The following PI4K2B variants were observed in gnomAD, a reference collection of about 807,000 sequenced individuals.
PI4K2B encodes phosphatidylinositol 4-kinase type 2-beta.
Under a neutral mutation model 56.6 loss-of-function variants are expected in PI4K2B, and 46 were observed. The observed-to-expected ratio is 0.81, with a 90% CI of 0.64 to 1.04. The LOEUF (loss-of-function observed/expected upper bound fraction) is 1.04, where lower values mean the gene tolerates loss of function less well. Among genes scored for constraint, PI4K2B ranks in the 50% least tolerant of loss-of-function variants. The pLI is 0.00. For missense variants in PI4K2B, 556 were observed against 607.7 expected (o/e 0.91, Z 0.89); for synonymous variants, 211 against 223.8 (o/e 0.94, Z 0.51).
intron 7 of PI4K2B, among the ~76,000 whole-genome samples, chr4:25,267,367 G>A (rs151274119): frequency 6.6e-6 from 1 of 152,376 alleles, no homozygotes; most frequent in African/African-American, 2.4e-5. Context: ...AATGAAAAGT[G>A]ACCTTCCTAC....
chr4:25,276,530 G>T, intron 9 of PI4K2B: 1 of 438,804 alleles, frequency 2.3e-6, no homozygotes, highest in South Asian at 9.8e-5. Flanking sequence ...CAGCAAGTTT[G>T]CTTGTTTTTT....
chr4:25,258,206 A>C (rs1577689525), intron 4 of PI4K2B, among the ~76,000 whole-genome samples: 1 of 88,806 alleles, frequency 1.1e-5, no homozygotes, highest in African/African-American at 3.3e-5. Flanking sequence ...TGGTTAAGGA[A>C]TCTGTCCTTT....
chr4:25,254,999 T>C (rs1716201901), intron 2 of PI4K2B, 66 bp from the exon 3 acceptor site: 1 of 1,030,992 alleles, frequency 9.7e-7, no homozygotes, highest in African/African-American at 1.6e-5. Flanking sequence ...TTTATTAGAA[T>C]GCATTTTATG....
chr4:25,258,178 C>G (rs1577689505), intron 4 of PI4K2B, among the ~76,000 whole-genome samples: 1 of 144,548 alleles, frequency 6.9e-6, no homozygotes, highest in Non-Finnish European at 1.5e-5. Context: ...AAATTTAAGA[C>G]TGGGTATTTA....
At chr4:25,276,804 T>C (rs1717112832) in intron 9 of PI4K2B, 1 of 977,840 alleles carries the variant, frequency 1.0e-6, no homozygotes, top group Non-Finnish European at 1.2e-6. Flanking sequence ...GCTAATTGTG[T>C]GTGTGTGTGT....
chr4:25,262,859 GA>G (rs1716528002), intron 6 of PI4K2B, among the ~76,000 whole-genome samples: 1 of 152,100 alleles, frequency 6.6e-6, no homozygotes. Flanking sequence ...TTCTGTTATG[GA>G]AGAATACAGA....
At chr4:25,237,552 A>G (rs762949647) in intron 1 of PI4K2B, among the ~76,000 whole-genome samples, 16 of 152,046 alleles carry the variant, frequency 1.1e-4, no homozygotes, top group Non-Finnish European at 1.9e-4. Flanking sequence ...TTTTAGTAGA[A>G]ACGGGGTTTC....
At chr4:25,247,121 A>T (rs1466545813) in intron 1 of PI4K2B, among the ~76,000 whole-genome samples, 1 of 152,222 alleles carries the variant, frequency 6.6e-6, no homozygotes, top group Non-Finnish European at 1.5e-5. Context: ...CACCTAGGCC[A>T]AGGAGGTGTG....
At chr4:25,240,413 GGTA>G (rs1310001204) in intron 1 of PI4K2B, among the ~76,000 whole-genome samples, 1 of 152,154 alleles carries the variant, frequency 6.6e-6, no homozygotes, top group Non-Finnish European at 1.5e-5. Context: ...GAGAGTGTGT[GGTA>G]GTAGAATAAT....
Position 25,234,328 on chromosome 4 carries a change from G to C in PI4K2B, c.165G>C (p.Glu55Asp), listed in dbSNP as rs1247461807. Residue 55 changes from glutamate to aspartate, a missense_variant, in exon 1 of 10, where the codon GAG becomes GAC. By Grantham distance (45) the Glu-to-Asp change is conservative. Transcript: ENST00000264864. ...SAVRLLDAAGEEGEAGDEELP... is the reference protein window; with the variant it reads ...SAVRLLDAAGDEGEAGDEELP... ...TGAGGCTGCTGGACGCTGCCGGGGA[G>C]GAGGGCGAGGCCGGCGACGAGGAGC... is the stretch of plus-strand genomic sequence containing the variant. 2 of 1,412,886 alleles carry C rather than the reference G, an allele frequency of 1.4e-6. No homozygotes were observed. Among genetic ancestry groups the C allele is most frequent in the South Asian group, 1.4e-5 (1 of 70,026 alleles). 87.5% of individuals were successfully genotyped at this position (1,412,886 alleles called of 1,614,324 possible).
At position 25,277,024 on chromosome 4, in the gene PI4K2B, T is replaced by C; in HGVS notation, c.1283T>C (p.Leu428Pro). Residue 428 changes from leucine (L) to proline (P), a missense_variant, in exon 10 of 10, where the codon CTT (leucine) becomes CCT (proline). Coordinates refer to ENST00000264864, the MANE Select transcript of PI4K2B (RefSeq NM_018323.4). ...MSVMRGQILN[L>P]TQALRDGKSP... ...CTCTTCTTCCCACAGATCTTAAACC[T>C]TACTCAGGCATTGAGAGACGGGAAG... The C allele has an allele frequency of 6.3e-7, 1 of 1,586,304 alleles. No individual in the cohort carries two copies. The highest frequency in any genetic ancestry group is 8.6e-7 in the Non-Finnish European group (1 of 1,160,336).
chr4:25,261,406 G>A (rs984573415), intron 6 of PI4K2B, among the ~76,000 whole-genome samples: 2 of 152,082 alleles, frequency 1.3e-5, no homozygotes, highest in African/African-American at 4.8e-5. Flanking sequence ...AATTGCTATC[G>A]ACTTTGAGTA....
In PI4K2B at chr4:25,278,653, T is replaced by C. The variant is rs1269385782; in HGVS notation, c.*1466T>C. 6.6e-6 allele frequency: 1 copy of C among 152,604 alleles called. No individual in the cohort carries two copies. The highest frequency in any genetic ancestry group is 2.4e-5 in the African/African-American group (1 of 41,442). The allele number at this position is 152,604 out of a possible 1,614,324, so 9.5% of individuals were successfully genotyped here. The stretch of plus-strand genomic sequence containing the variant: ...CTCCATTAGCTCAATTTTGAGATAA[T>C]GGAAAATTGACTGGAAATTCAAAAC... On this transcript the variant is annotated 3_prime_UTR_variant, in exon 10 of 10. Coordinates refer to ENST00000264864, the MANE Select transcript of PI4K2B (RefSeq NM_018323.4).
intron 1 of PI4K2B, among the ~76,000 whole-genome samples, chr4:25,247,059 T>A (rs1318594999): frequency 6.6e-6 from 1 of 152,094 alleles, no homozygotes; most frequent in East Asian, 1.9e-4. Flanking sequence ...AGAAAGGGGC[T>A]CCCCCAGTGC....
At position 25,277,356 on chromosome 4, in the gene PI4K2B, T is replaced by C; in HGVS notation, c.*169T>C. 1.4e-6 allele frequency: 1 copy of C among 715,278 alleles called. No individual in the cohort carries two copies. Among genetic ancestry groups the C allele is most frequent in the African/African-American group, 1.8e-5 (1 of 56,230 alleles). 44.3% of individuals were successfully genotyped at this position (715,278 alleles called of 1,614,324 possible). A position where few individuals can be genotyped will look rare whatever the true frequency, so the allele number is the denominator to read the frequency against. ...AGTTTACAGTTTTTTGTCCAAATAT[T>C]AAATTTCTATTTCAGGGAAGAAGTG... On this transcript the variant is annotated 3_prime_UTR_variant, in exon 10 of 10. Transcript: ENST00000264864.
chr4:25,271,695 T>C (rs1390806594), intron 9 of PI4K2B, among the ~76,000 whole-genome samples: 3 of 152,244 alleles, frequency 2.0e-5, no homozygotes. Flanking sequence ...ACTTGACATA[T>C]CAATATGCTT....
intron 4 of PI4K2B, among the ~76,000 whole-genome samples, chr4:25,258,020 C>T (rs1266423285): frequency 6.6e-6 from 1 of 152,104 alleles, no homozygotes; most frequent in Non-Finnish European, 1.5e-5. Context: ...TCACATGCTA[C>T]TTAAATTTTT....
At chr4:25,259,392 T>C (rs979948532) in intron 5 of PI4K2B, among the ~76,000 whole-genome samples, 1 of 152,152 alleles carries the variant, frequency 6.6e-6, no homozygotes, top group African/African-American at 2.4e-5. Flanking sequence ...AGCAGGCTCC[T>C]AGATCAGTTC....
intron 4 of PI4K2B, among the ~76,000 whole-genome samples, chr4:25,258,250 T>A (rs945796635): frequency 6.7e-6 from 1 of 148,872 alleles, no homozygotes. Flanking sequence ...CTGTGTCGCC[T>A]AGGTTGGAGT....
Sources: gnomAD v4.1 joint callset for allele counts (sites outside exome capture counted in the v4.1 genomes callset) on GRCh38, gnomAD v4.1.1 for gene constraint, MANE v1.5 for transcripts, NCBI Gene and HGNC (gene_info 2026-07-23, HGNC 2026-07-21) for gene names.